The following NOTCH1 variants were observed in gnomAD, a reference collection of about 807,000 sequenced individuals.
NOTCH1 encodes neurogenic locus notch homolog protein 1.
In NOTCH1, 37 loss-of-function variants were observed where a neutral mutation model predicts 254.8. That is an observed-to-expected ratio of 0.15 (90% CI 0.11 to 0.19). The LOEUF (loss-of-function observed/expected upper bound fraction) is 0.19. Among genes scored for constraint, NOTCH1 ranks in the 10% least tolerant of loss-of-function variants. NOTCH1 has a pLI of 1.00. For missense variants in NOTCH1, 2,972 were observed against 3,708.6 expected, an observed-to-expected ratio of 0.80 and a Z score of 5.16; for synonymous variants, 1,731 against 1,618.1, an observed-to-expected ratio of 1.07 and a Z score of -1.68.
In NOTCH1 at chr9:136,495,144, G is replaced by A. The variant is rs1181857204; in HGVS notation, c.*927C>T. 6 of 398,982 alleles carry A rather than the reference G, an allele frequency of 1.5e-5. No individual in the cohort carries two copies. The highest frequency in any genetic ancestry group is 1.1e-4 in the East Asian group (3 of 28,224). 24.7% of individuals were successfully genotyped at this position (398,982 alleles called of 1,614,324 possible). A position where few individuals can be genotyped will look rare whatever the true frequency, so the allele number is the denominator to read the frequency against. Reference sequence around the variant, plus strand: ...AGGCTGAGGTGCTGGGGCCGCCACCGGGGTCAGCCCAGGCAGTGTCTTTCC... The same window carrying A: ...AGGCTGAGGTGCTGGGGCCGCCACCAGGGTCAGCCCAGGCAGTGTCTTTCC... On this transcript the variant is annotated 3_prime_UTR_variant, in exon 34 of 34. Coordinates refer to ENST00000651671, the MANE Select transcript of NOTCH1 (RefSeq NM_017617.5).
chr9:136,510,636 G>A lies in NOTCH1; in HGVS notation c.2740+17C>T, dbSNP rs1805326048. The A allele has an allele frequency of 6.3e-7, 1 of 1,599,432 alleles. No homozygotes were observed. On this transcript the variant is annotated intron_variant, in intron 17 of 33. Coordinates refer to ENST00000651671, the MANE Select transcript of NOTCH1 (RefSeq NM_017617.5). ...TGAGAGCTTCCTGGAGGAGGCCAGA[G>A]CCGCGGGGCTACTCACTGGGCCGGC... is the stretch of plus-strand genomic sequence containing the variant.
At chr9:136,511,382 C>A (rs1015494771) in intron 15 of NOTCH1, 111 bp from the exon 16 acceptor site, 2 of 1,408,598 alleles carry the variant, frequency 1.4e-6, no homozygotes, top group African/African-American at 1.4e-5. Context: ...CTGGTCCCGC[C>A]GGGAGGCAAA....
rs1347832105 is a variant in NOTCH1 at position 136,506,748 on chromosome 9, T to C, written c.3869A>G (p.Asp1290Gly). ...ACCAGCACGGCACTCGCAGTGGAAG[T>C]CATTGACGCGCTGCACGCAGTTCTG... is the stretch of plus-strand genomic sequence containing the variant. Reference protein sequence around the residue: ...GTQNCVQRVNDFHCECRAGHT... With the variant: ...GTQNCVQRVNGFHCECRAGHT... The change falls in exon 23 of 34, where the codon GAC becomes GGC. Residue 1290 changes from aspartate (D) to glycine (G), a missense_variant. Asp to Gly is a moderately conservative substitution (Grantham distance 94). This residue lies in a region of NOTCH1 where 1,343 missense variants were observed against 1,557.0 expected (regional missense o/e 0.86). Transcript: ENST00000651671. The surrounding 1 kb of genome is among the most constrained non-coding windows in gnomAD (Gnocchi z 4.5). 2.5e-6 allele frequency: 4 copies of C among 1,603,504 alleles called. No individual in the cohort carries two copies. The highest frequency in any genetic ancestry group is 1.3e-5 in the African/African-American group (1 of 74,728).
intron 2 of NOTCH1, among the ~76,000 whole-genome samples, chr9:136,525,106 G>C (rs987759726): frequency 6.6e-6 from 1 of 152,200 alleles, no homozygotes. Context: ...AGGCACATCA[G>C]CCAGGAGCAG....
chr9:136,508,750 G>A (rs573833246), intron 19 of NOTCH1, 120 bp downstream of exon 19: 3 of 1,017,268 alleles, frequency 2.9e-6, no homozygotes, highest in Non-Finnish European at 4.2e-6. Flanking sequence ...CCTCTGCCCG[G>A]GGGTGTGGGG....
chr9:136,521,669 C>G (rs1437179775), intron 4 of NOTCH1, among the ~76,000 whole-genome samples: 4 of 152,234 alleles, frequency 2.6e-5, no homozygotes, highest in African/African-American at 9.7e-5. Flanking sequence ...CTGCAGAGAT[C>G]CAAGCTGGCC....
In NOTCH1 at chr9:136,498,941, C is replaced by T. The variant is rs2133321656; in HGVS notation, c.6138G>A (p.Val2046=). 1.2e-6 allele frequency: 2 copies of T among 1,613,702 alleles called. No individual in the cohort carries two copies. The highest frequency in any genetic ancestry group is 1.7e-6 in the Non-Finnish European group (2 of 1,180,012). Residue 2046 remains valine (V), a synonymous_variant, in exon 33 of 34, where the codon GTG becomes GTA. Transcript: ENST00000651671. ...AAVNNVDAAV[V]LLKNGANKDM... ...CTTTGTTAGCCCCGTTCTTCAGGAG[C>T]ACAACTGCGGCATCCACATTGTTCA...
rs549774580 is a variant in NOTCH1, at chr9:136,514,420, T to C, written c.2207+90A>G. 5.8e-3 allele frequency: 8,243 copies of C among 1,415,472 alleles called. 74 individuals are homozygous for C. Among genetic ancestry groups the C allele is most frequent in the Non-Finnish European group, 5.9e-3 (6,123 of 1,037,752 alleles). The allele number at this position is 1,415,472 out of a possible 1,614,324, so 87.7% of individuals were successfully genotyped here. A position where few individuals can be genotyped will look rare whatever the true frequency, so the allele number is the denominator to read the frequency against. ...CCGTCCGAGGCCCGTTTCTGGCCCA[T>C]CTCAAGCTCTGTGCAGGTGCCACCC... is the stretch of plus-strand genomic sequence containing the variant. On this transcript the variant is annotated intron_variant, in intron 13 of 33. Coordinates refer to ENST00000651671, the MANE Select transcript of NOTCH1 (RefSeq NM_017617.5).
In NOTCH1 at chr9:136,513,295, T is replaced by C. The variant is rs963064668; in HGVS notation, c.2353+97A>G. On this transcript the variant is annotated intron_variant, in intron 14 of 33. Coordinates refer to ENST00000651671, the MANE Select transcript of NOTCH1 (RefSeq NM_017617.5). The surrounding 1 kb of genome is among the most constrained non-coding windows in gnomAD (Gnocchi z 4.7). ...GCTTTGCCACGGGAGGGAGACACCA[T>C]GCATGGTGCTGGCTGGACCTGGGTC... 7.0e-6 allele frequency: 11 copies of C among 1,573,014 alleles called. No individual in the cohort carries two copies. The highest frequency in any genetic ancestry group is 9.6e-6 in the Non-Finnish European group (11 of 1,149,306).
chr9:136,509,980 G>A lies in NOTCH1; in HGVS notation c.2741-19C>T, dbSNP rs745353675. On this transcript the variant is annotated intron_variant, in intron 17 of 33. Transcript: ENST00000651671. The stretch of plus-strand genomic sequence containing the variant: ...CACGGGTCTGGGAGAGGACGGAAGG[G>A]TGAGTGTGAGGGGCAGGCACAAACC... 6 of 1,608,198 alleles carry A rather than the reference G, an allele frequency of 3.7e-6. No homozygotes were observed. Among genetic ancestry groups the A allele is most frequent in the African/African-American group, 1.3e-5 (1 of 75,014 alleles).
At chr9:136,537,731 G>A (rs560024465) in intron 2 of NOTCH1, among the ~76,000 whole-genome samples, 23 of 152,294 alleles carry the variant, frequency 1.5e-4, no homozygotes, top group Admixed American at 1.2e-3. Context: ...AGGAGTTTGA[G>A]GCTGCAGTCA....
At chr9:136,518,985 C>G (rs1843323848) in intron 5 of NOTCH1, among the ~76,000 whole-genome samples, 161 bp from the exon 6 acceptor site, 1 of 152,244 alleles carries the variant, frequency 6.6e-6, no homozygotes, top group Non-Finnish European at 1.5e-5. Flanking sequence ...GCAGGCCCAG[C>G]ACCATGGAGT....
rs184971890 is a variant in NOTCH1, at chr9:136,525,766, T to C, written c.141-1787A>G. On this transcript the variant is annotated intron_variant, in intron 2 of 33. Transcript: ENST00000651671. ...TGGGGGGGCCTTACCCCGAGGGGCT[T>C]GTGGAGGCTGGGGGTGGGGGTTCCT... Among the ~76,000 whole-genome samples the C allele has an allele frequency of 2.9e-3, 438 of 152,258 alleles. 2 individuals carry two copies. Among genetic ancestry groups the C allele is most frequent in the African/African-American group, 9.4e-3 (389 of 41,556 alleles).
chr9:136,513,696 C>T lies in NOTCH1; in HGVS notation c.2208-159G>A, dbSNP rs1453939190. ...GGGGCAGGCTGGGCGCTGTGGCTCACACCTGTAATCCCAGCACTTTGGGAG... is the reference window on the plus strand; with the variant it reads ...GGGGCAGGCTGGGCGCTGTGGCTCATACCTGTAATCCCAGCACTTTGGGAG... On this transcript the variant is annotated intron_variant, in intron 13 of 33. Coordinates refer to ENST00000651671, the MANE Select transcript of NOTCH1 (RefSeq NM_017617.5). The surrounding 1 kb of genome is among the most constrained non-coding windows in gnomAD (Gnocchi z 4.7). 7.7e-6 allele frequency: 6 copies of T among 775,680 alleles called. No homozygotes were observed. The highest frequency in any genetic ancestry group is 1.3e-5 in the Non-Finnish European group (6 of 473,776). 48.0% of individuals were successfully genotyped at this position (775,680 alleles called of 1,614,324 possible).
At chr9:136,497,936 C>T (rs974141587) in intron 33 of NOTCH1, among the ~76,000 whole-genome samples, 29 of 152,196 alleles carry the variant, frequency 1.9e-4, no homozygotes, top group African/African-American at 7.0e-4. Flanking sequence ...CCGGCGAGGG[C>T]ACCAGGGAGG....
rs924870221 is a variant in NOTCH1, at chr9:136,513,780, G to A, written c.2208-243C>T. ...TCAAGATCAGCCTGGCCAACATGGC[G>A]AAACTCCCCCACCCCATATATACTA... On this transcript the variant is annotated intron_variant, in intron 13 of 33. Coordinates refer to ENST00000651671, the MANE Select transcript of NOTCH1 (RefSeq NM_017617.5). This position sits in a 1 kb window ranked among gnomAD's most constrained non-coding sequence, Gnocchi z 4.7. 1.9e-4 allele frequency among the ~76,000 whole-genome samples: 29 copies of A among 152,166 alleles called. No individual in the cohort carries two copies. Among genetic ancestry groups the A allele is most frequent in the African/African-American group, 6.8e-4 (28 of 41,426 alleles).
Position 136,504,793 on chromosome 9 carries a change from C to T in NOTCH1, c.4898G>A (p.Arg1633His), listed in dbSNP as rs375018022. Residue 1633 changes from arginine to histidine, a missense_variant, in exon 26 of 34, where the codon CGT becomes CAT. Coordinates refer to ENST00000651671, the MANE Select transcript of NOTCH1 (RefSeq NM_017617.5). ...AGGTGCGGCCCAGCCCTCGGCGGCA[C>T]GCTTGATGGGGTGCTTGCGCAGCTC... is the stretch of plus-strand genomic sequence containing the variant. ...EEELRKHPIK[R>H]AAEGWAAPDA... The T allele has an allele frequency of 1.1e-4, 171 of 1,557,260 alleles. No individual in the cohort carries two copies. The African/African-American group carries it at 2.0e-3, about 19-fold the overall frequency.
chr9:136,511,878 A>T (rs570903072), intron 15 of NOTCH1, among the ~76,000 whole-genome samples: 1 of 152,340 alleles, frequency 6.6e-6, no homozygotes, highest in Admixed American at 6.5e-5. Context: ...GGCAAAGGCT[A>T]TGTGGGAACC....
Position 136,496,425 on chromosome 9 carries a change from C to T in NOTCH1, c.7314G>A (p.Pro2438=), listed in dbSNP as rs370442918. Residue 2438 remains proline, a synonymous_variant, in exon 34 of 34, where the codon CCG becomes CCA. Coordinates refer to ENST00000651671, the MANE Select transcript of NOTCH1 (RefSeq NM_017617.5). ...HLGRSFLSGE[P]SQADVQPLGP... ...CCAGTGGCTGCACGTCTGCCTGGCT[C>T]GGCTCTCCACTCAGGAAGCTCCGGC... is the stretch of plus-strand genomic sequence containing the variant. 1.1e-5 allele frequency: 18 copies of T among 1,599,414 alleles called. No individual in the cohort carries two copies. The highest frequency in any genetic ancestry group is 9.3e-5 in the African/African-American group (7 of 74,926).
Sources: gnomAD v4.1 joint callset for allele counts (sites outside exome capture counted in the v4.1 genomes callset) on GRCh38, gnomAD v4.1.1 for gene constraint, gnomAD v4.1.1 regional missense constraint, Gnocchi (gnomAD v3.1) non-coding constraint, MANE v1.5 for transcripts, NCBI Gene and HGNC (gene_info 2026-07-23, HGNC 2026-07-21) for gene names.